COBL: variants seen among roughly 807,000 people sequenced by gnomAD.
COBL encodes protein cordon-bleu.
In COBL, 51 loss-of-function variants were observed where a neutral mutation model predicts 98.8. That is an observed-to-expected ratio of 0.52 (90% CI 0.41 to 0.65). COBL has a LOEUF of 0.65. Ranked by LOEUF, COBL falls within the 30% of genes least tolerant of loss-of-function variation. COBL has a pLI of 0.00. For missense variants in COBL, 1,617 were observed against 1,617.5 expected, an observed-to-expected ratio of 1.00 and a Z score of 0.01; for synonymous variants, 634 against 651.7, an observed-to-expected ratio of 0.97 and a Z score of 0.41.
rs754096582 is a variant in COBL at position 51,043,553 on chromosome 7, G to T, written c.1236C>A (p.Ser412=). Residue 412 remains serine, a synonymous_variant, in exon 8 of 13, where the codon TCC becomes TCA. Coordinates refer to ENST00000265136, the MANE Select transcript of COBL (RefSeq NM_015198.5). ...DTTEDSGVMS[S]PSDIVSLDSQ... ...AGTCCAGAGAGACGATGTCTGAGGG[G>T]GAACTCATCACTCCTGAGTCCTCGG... 3 of 1,614,210 alleles carry T rather than the reference G, an allele frequency of 1.9e-6. No individual in the cohort carries two copies. The highest frequency in any genetic ancestry group is 2.5e-6 in the Non-Finnish European group (3 of 1,180,036).
chr7:51,104,114 A>G (rs889275593), intron 6 of COBL, among the ~76,000 whole-genome samples: 7 of 152,256 alleles, frequency 4.6e-5, no homozygotes, highest in Non-Finnish European at 1.0e-4. Context: ...AATTTCTTAA[A>G]AGAGATTTGT....
chr7:51,252,294 G>A (rs1796792081), intron 1 of COBL, among the ~76,000 whole-genome samples: 6 of 152,056 alleles, frequency 3.9e-5, no homozygotes, highest in Admixed American at 3.3e-4. Context: ...TGAGTTGCGG[G>A]ACCATCACCA....
intron 5 of COBL, among the ~76,000 whole-genome samples, chr7:51,139,450 G>C (rs1284016620): frequency 6.6e-6 from 1 of 152,138 alleles, no homozygotes; most frequent in Non-Finnish European, 1.5e-5. Flanking sequence ...CTTCATCTGT[G>C]ACTCTGGAAC....
intron 1 of COBL, among the ~76,000 whole-genome samples, chr7:51,291,666 A>C (rs1426336912): frequency 6.6e-6 from 1 of 151,882 alleles, no homozygotes; most frequent in Non-Finnish European, 1.5e-5. Flanking sequence ...GTGGCTGAGG[A>C]AGGGGAATCA....
intron 1 of COBL, among the ~76,000 whole-genome samples, chr7:51,303,917 G>A (rs1420000716): frequency 1.3e-5 from 2 of 152,168 alleles, no homozygotes; most frequent in Admixed American, 6.5e-5. Context: ...GGGACAGGCT[G>A]CTGACTGCAT....
intron 1 of COBL, among the ~76,000 whole-genome samples, chr7:51,293,798 G>T (rs1801130703): frequency 6.6e-6 from 1 of 152,196 alleles, no homozygotes; most frequent in South Asian, 2.1e-4. Flanking sequence ...AAGGCAGGCT[G>T]TCCCATGCTC....
intron 1 of COBL, among the ~76,000 whole-genome samples, chr7:51,270,399 A>C (rs984629161): frequency 2.0e-5 from 3 of 152,182 alleles, no homozygotes; most frequent in Non-Finnish European, 4.4e-5. Context: ...ATTCATTCAC[A>C]TATCTATGAT....
intron 1 of COBL, among the ~76,000 whole-genome samples, chr7:51,261,777 G>A (rs756156515): frequency 1.2e-4 from 18 of 152,152 alleles, no homozygotes; most frequent in Admixed American, 2.6e-4. Context: ...AACCAGCCTT[G>A]ACCAACATCG....
At chr7:51,049,995 C>T (rs1790085787) in intron 7 of COBL, among the ~76,000 whole-genome samples, 1 of 152,168 alleles carries the variant, frequency 6.6e-6, no homozygotes, top group Non-Finnish European at 1.5e-5. Context: ...TTGTCAAAAT[C>T]ACAGCCTCTT....
At chr7:51,103,194 G>GT (rs575350471) in intron 6 of COBL, among the ~76,000 whole-genome samples, 23 of 152,036 alleles carry the variant, frequency 1.5e-4, no homozygotes, top group Non-Finnish European at 2.8e-4. Flanking sequence ...GACCATGCTT[G>GT]TTTTTTTATC....
chr7:51,284,286 G>T (rs1270630878), intron 1 of COBL, among the ~76,000 whole-genome samples: 2 of 151,506 alleles, frequency 1.3e-5, no homozygotes, highest in African/African-American at 4.9e-5. Flanking sequence ...GGGCAACAGA[G>T]CAAGACTCCG....
chr7:51,291,161 G>A (rs1193286510), intron 1 of COBL, among the ~76,000 whole-genome samples: 7 of 152,300 alleles, frequency 4.6e-5, no homozygotes, highest in East Asian at 1.9e-4. Flanking sequence ...GGGGCACAGC[G>A]GGGAACAGGC....
At chr7:51,218,296 A>C (rs1462661118) in intron 2 of COBL, among the ~76,000 whole-genome samples, 7 of 152,276 alleles carry the variant, frequency 4.6e-5, no homozygotes, top group Non-Finnish European at 1.0e-4. Context: ...GTAACAAAAT[A>C]GTTGCAAAGG....
At chr7:51,041,838 C>G (rs1789229460) in intron 8 of COBL, among the ~76,000 whole-genome samples, 1 of 152,108 alleles carries the variant, frequency 6.6e-6, no homozygotes, top group African/African-American at 2.4e-5. Flanking sequence ...TGAGTTCTTA[C>G]ACTTATCTAA....
chr7:51,078,054 T>A (rs1171704287), intron 7 of COBL, among the ~76,000 whole-genome samples: 2 of 152,188 alleles, frequency 1.3e-5, no homozygotes, highest in African/African-American at 4.8e-5. Flanking sequence ...ACATAGCATA[T>A]GTTGCCCATA....
chr7:51,083,965 G>A (rs1305386382), intron 7 of COBL, among the ~76,000 whole-genome samples: 2 of 152,104 alleles, frequency 1.3e-5, no homozygotes, highest in South Asian at 2.1e-4. Context: ...GTCCATTTAT[G>A]AAAAATGGGG....
At chr7:51,070,698 CAAATTAGCATGA>C (rs1418303570) in intron 7 of COBL, 1 of 152,124 alleles carries the variant, frequency 6.6e-6, no homozygotes, top group Non-Finnish European at 1.5e-5. Flanking sequence ...TTTATGGATC[CAAATTAGCATGA>C]AAACTGTGAA....
At chr7:51,189,331 C>T (rs1372827381) in intron 4 of COBL, among the ~76,000 whole-genome samples, 2 of 152,212 alleles carry the variant, frequency 1.3e-5, no homozygotes, top group South Asian at 2.1e-4. Flanking sequence ...TCACAATAAA[C>T]TTGGTATTAA....
intron 1 of COBL, among the ~76,000 whole-genome samples, chr7:51,272,323 A>G (rs947110936): frequency 6.6e-6 from 1 of 152,044 alleles, no homozygotes; most frequent in African/African-American, 2.4e-5. Context: ...TATAACATTG[A>G]GCTTGGGTTT....
Sources: allele counts gnomAD v4.1 joint callset (sites outside exome capture counted in the v4.1 genomes callset), GRCh38; gene constraint gnomAD v4.1.1; transcripts MANE v1.5; gene names NCBI Gene and HGNC (gene_info 2026-07-23, HGNC 2026-07-21).